Variants in SPIRE1 observed in about 807,000 individuals in gnomAD.
SPIRE1 encodes the protein protein spire homolog 1.
A neutral mutation model predicts 94.1 loss-of-function variants in SPIRE1; 40 were observed. The ratio of observed to expected loss-of-function variants is 0.43; its 90% CI spans 0.33 to 0.55. The LOEUF is 0.55. SPIRE1 is among the 20% of genes least tolerant of loss of function. SPIRE1 has a pLI of 0.06. For missense variants in SPIRE1, 838 were observed against 975.2 expected (o/e 0.86, Z 1.87); for synonymous variants, 376 against 371.7 (o/e 1.01, Z -0.13).
At chr18:12,626,887 T>TATATATATATATATA (rs1555634099) in intron 2 of SPIRE1, among the ~76,000 whole-genome samples, 7 of 53,536 alleles carry the variant, frequency 1.3e-4, no homozygotes, top group African/African-American at 2.7e-4. Context: ...TATATATATA[T>TATATATATATATATA]TTTTTTTTTT....
At chr18:12,525,276 C>CAAA (rs1170791088) in intron 4 of SPIRE1, among the ~76,000 whole-genome samples, 975 of 70,208 alleles carry the variant, frequency 0.014, 10 homozygotes, top group East Asian at 0.022. Flanking sequence ...GACTCCGTCT[C>CAAA]AAAAAAAAAA....
intron 4 of SPIRE1, among the ~76,000 whole-genome samples, chr18:12,513,444 T>G (rs919240883): frequency 1.3e-5 from 2 of 152,176 alleles, no homozygotes; most frequent in African/African-American, 4.8e-5. Context: ...TTAAATGCAC[T>G]GTATGAAATC....
intron 12 of SPIRE1, among the ~76,000 whole-genome samples, chr18:12,458,536 C>T (rs2031634694): frequency 6.6e-6 from 1 of 152,002 alleles, no homozygotes; most frequent in Non-Finnish European, 1.5e-5. Flanking sequence ...ATGGCGTGAA[C>T]CCAGGAGGCG....
At chr18:12,583,623 A>G (rs1004061295) in intron 2 of SPIRE1, among the ~76,000 whole-genome samples, 2 of 151,834 alleles carry the variant, frequency 1.3e-5, no homozygotes, top group Admixed American at 1.3e-4. Flanking sequence ...AGAAGAAGAA[A>G]AAATTAAAAA....
chr18:12,495,011 C>G (rs1247728101), intron 7 of SPIRE1, among the ~76,000 whole-genome samples: 3 of 149,108 alleles, frequency 2.0e-5, no homozygotes, highest in Non-Finnish European at 4.4e-5. Context: ...GATTGCATCA[C>G]CGCACTCCAG....
intron 12 of SPIRE1, among the ~76,000 whole-genome samples, chr18:12,455,721 G>A (rs545180321): frequency 4.0e-4 from 61 of 152,256 alleles, no homozygotes; most frequent in African/African-American, 1.4e-3. Flanking sequence ...GGCCATTGTG[G>A]TGCAGTGACA....
chr18:12,535,685 A>C, intron 3 of SPIRE1, 84 bp from the exon 4 acceptor site: 1 of 1,305,314 alleles, frequency 7.7e-7, no homozygotes, highest in South Asian at 1.3e-5. Flanking sequence ...AGCAGAGTGC[A>C]GTGGTTCACG....
chr18:12,586,322 A>G (rs1359723716), intron 2 of SPIRE1, among the ~76,000 whole-genome samples: 1 of 152,194 alleles, frequency 6.6e-6, no homozygotes, highest in Non-Finnish European at 1.5e-5. Context: ...TTTTGCCACC[A>G]TAATCCTAAA....
chr18:12,652,025 AT>A (rs2038393181), intron 1 of SPIRE1, among the ~76,000 whole-genome samples: 2 of 152,344 alleles, frequency 1.3e-5, no homozygotes, highest in South Asian at 4.1e-4. Flanking sequence ...TACATCAAAA[AT>A]TTTGAAACCA....
intron 9 of SPIRE1, among the ~76,000 whole-genome samples, chr18:12,482,757 T>C (rs938338928): frequency 6.6e-6 from 1 of 152,096 alleles, no homozygotes; most frequent in Non-Finnish European, 1.5e-5. Context: ...GCTATGAGAT[T>C]GATAATTATT....
intron 9 of SPIRE1, among the ~76,000 whole-genome samples, chr18:12,480,330 T>G (rs912009829): frequency 6.6e-6 from 1 of 152,192 alleles, no homozygotes; most frequent in Non-Finnish European, 1.5e-5. Flanking sequence ...ATATTTAATG[T>G]GAACACAAAA....
chr18:12,464,353 A>T (rs1162028864), intron 11 of SPIRE1, among the ~76,000 whole-genome samples: 1 of 152,220 alleles, frequency 6.6e-6, no homozygotes, highest in Non-Finnish European at 1.5e-5. Flanking sequence ...AAGCCAATAT[A>T]TAATTTTTAA....
rs1036578087 is a variant in SPIRE1 at position 12,561,138 on chromosome 18, G to T, written c.373-14234C>A. On this transcript the variant is annotated intron_variant, in intron 2 of 16. Transcript: ENST00000409402. ...ATCCCCACAAATTAAAAAGAAAAAA[G>T]AAATATTTAAAAATCTGGCTTAGCA... Among the ~76,000 whole-genome samples the T allele has an allele frequency of 2.0e-5, 3 of 151,932 alleles. No individual in the cohort carries two copies. The East Asian group carries it at 5.8e-4, about 29-fold the overall frequency.
At chr18:12,498,991 T>TG (rs1349091312) in intron 6 of SPIRE1, among the ~76,000 whole-genome samples, 2 of 152,208 alleles carry the variant, frequency 1.3e-5, no homozygotes, top group East Asian at 1.9e-4. Context: ...CTCAAACTCC[T>TG]GGGCTCAAGC....
intron 2 of SPIRE1, among the ~76,000 whole-genome samples, chr18:12,605,317 C>T (rs923402793): frequency 1.3e-5 from 2 of 152,040 alleles, no homozygotes; most frequent in Non-Finnish European, 2.9e-5. Context: ...AGGAAATGGT[C>T]AACATGGTGA....
At chr18:12,452,414 C>CA (rs2031290230) in intron 15 of SPIRE1, 23 bp from the exon 16 acceptor site, 1 of 1,613,952 alleles carries the variant, frequency 6.2e-7, no homozygotes, top group South Asian at 1.1e-5. Flanking sequence ...ATAAAACTGG[C>CA]AATGAGCAGT....
chr18:12,614,205 G>A (rs1431783814), intron 2 of SPIRE1, among the ~76,000 whole-genome samples: 2 of 152,194 alleles, frequency 1.3e-5, no homozygotes, highest in Admixed American at 6.5e-5. Flanking sequence ...AGACTGCAGT[G>A]AGCTATGATC....
At chr18:12,521,580 C>A (rs918428393) in intron 4 of SPIRE1, among the ~76,000 whole-genome samples, 1 of 152,138 alleles carries the variant, frequency 6.6e-6, no homozygotes, top group South Asian at 2.1e-4. Flanking sequence ...GTGATCTGCC[C>A]GCCTCAGCCT....
intron 2 of SPIRE1, among the ~76,000 whole-genome samples, chr18:12,566,364 T>C (rs2035821254): frequency 6.6e-6 from 1 of 152,044 alleles, no homozygotes; most frequent in African/African-American, 2.4e-5. Context: ...AAAGAAGTTA[T>C]TTAGAGAGAA....
Sources: allele counts gnomAD v4.1 joint callset (sites outside exome capture counted in the v4.1 genomes callset), GRCh38; gene constraint gnomAD v4.1.1; transcripts MANE v1.5; gene names NCBI Gene and HGNC (gene_info 2026-07-23, HGNC 2026-07-21).